The following DGKB variants were observed in gnomAD, a reference collection of about 807,000 sequenced individuals.
The protein encoded by DGKB is 90 kDa diacylglycerol kinase.
Under a neutral mutation model 114.3 loss-of-function variants are expected in DGKB, and 67 were observed. The observed-to-expected ratio is 0.59, with a 90% CI of 0.48 to 0.72. DGKB has a LOEUF of 0.72. Ranked by LOEUF, DGKB falls within the 30% of genes least tolerant of loss-of-function variation. The pLI is 0.00. For synonymous variants in DGKB, 398 were observed against 323.1 expected, an observed-to-expected ratio of 1.23 and a Z score of -2.49; for missense variants, 907 against 975.2, an observed-to-expected ratio of 0.93 and a Z score of 0.93.
At chr7:14,757,042 T>A (rs1382903182) in intron 3 of DGKB, among the ~76,000 whole-genome samples, 1 of 152,074 alleles carries the variant, frequency 6.6e-6, no homozygotes, top group Admixed American at 6.6e-5. Context: ...TAAGAAAATC[T>A]TAAAGAAATC....
chr7:14,888,495 T>G (rs553676985), intron 1 of DGKB, among the ~76,000 whole-genome samples: 3 of 151,848 alleles, frequency 2.0e-5, no homozygotes, highest in African/African-American at 7.2e-5. Context: ...TGATCATTGC[T>G]TAGAATACAT....
intron 17 of DGKB, among the ~76,000 whole-genome samples, chr7:14,607,157 C>CAT (rs1554542102): frequency 2.0e-5 from 3 of 148,232 alleles, no homozygotes; most frequent in African/African-American, 7.4e-5. Context: ...GCTAGTTTGT[C>CAT]GTGTGTGTGT....
At chr7:14,717,489 A>C in intron 6 of DGKB, among the ~76,000 whole-genome samples, 1 of 152,158 alleles carries the variant, frequency 6.6e-6, no homozygotes, top group East Asian at 1.9e-4. Flanking sequence ...ATTTATGAAT[A>C]ATAAATATAT....
At chr7:14,973,887 T>G (rs1248746061) in intron 1 of DGKB, among the ~76,000 whole-genome samples, 1 of 148,240 alleles carries the variant, frequency 6.7e-6, no homozygotes, top group African/African-American at 2.4e-5. Context: ...ATACTTAAAT[T>G]TATAAATATT....
chr7:14,630,215 A>C (rs930227788), intron 14 of DGKB, 21 bp downstream of exon 14: 10 of 1,531,832 alleles, frequency 6.5e-6, no homozygotes, highest in East Asian at 4.9e-5. Flanking sequence ...TAAGTGTGAA[A>C]ACCTGTTTTT....
chr7:14,149,027 AT>A lies in DGKB; in HGVS notation c.*103del. ...CAAAAACTGTTAAACCACTTCCATG[AT>A]TTTGCATGAGCAGGAGACTTGAAAT... On this transcript the variant is annotated 3_prime_UTR_variant, in exon 26 of 26. Coordinates refer to ENST00000402815, the MANE Select transcript of DGKB (RefSeq NM_001350709.2). 1.0e-6 allele frequency: 1 copy of A among 1,001,736 alleles called. No individual in the cohort carries two copies. Among genetic ancestry groups the A allele is most frequent in the Non-Finnish European group, 1.6e-6 (1 of 640,240 alleles). The allele number at this position is 1,001,736 out of a possible 1,614,324, so 62.1% of individuals were successfully genotyped here. A position where few individuals can be genotyped will look rare whatever the true frequency, so the allele number is the denominator to read the frequency against.
At chr7:14,859,260 C>T (rs117364900) in intron 1 of DGKB, among the ~76,000 whole-genome samples, 2,368 of 152,104 alleles carry the variant, frequency 0.016, 32 homozygotes, top group Middle Eastern at 0.037. Flanking sequence ...GGACAAAAGA[C>T]CTGAATATCA....
At chr7:14,808,953 T>A (rs7811380) in intron 2 of DGKB, among the ~76,000 whole-genome samples, 1 of 151,946 alleles carries the variant, frequency 6.6e-6, no homozygotes, top group Non-Finnish European at 1.5e-5. Flanking sequence ...ACATCAGCCA[T>A]CCTCCATTAT....
At chr7:14,483,947 T>C (rs770339858) in intron 20 of DGKB, among the ~76,000 whole-genome samples, 1 of 152,106 alleles carries the variant, frequency 6.6e-6, no homozygotes, top group Non-Finnish European at 1.5e-5. Context: ...TGTGAGACAA[T>C]ACATTTCTGT....
intron 21 of DGKB, among the ~76,000 whole-genome samples, chr7:14,465,961 A>G (rs1191021299): frequency 6.6e-6 from 1 of 152,180 alleles, no homozygotes; most frequent in Non-Finnish European, 1.5e-5. Flanking sequence ...TCGGATTTGC[A>G]TGAGTTGGAA....
In DGKB at chr7:14,682,474, G is replaced by T. The variant is rs554275642; in HGVS notation, c.1035+79C>A. ...ACTCAGTTTCAGGAAGCCCTTCTAG[G>T]GTAGGACTTTCAGAGAGTATGATAT... is the stretch of plus-strand genomic sequence containing the variant. On this transcript the variant is annotated intron_variant, in intron 12 of 25. Coordinates refer to ENST00000402815, the MANE Select transcript of DGKB (RefSeq NM_001350709.2). The T allele has an allele frequency of 9.5e-5, 90 of 944,946 alleles. 1 individual carries two copies. The South Asian group carries it at 1.2e-3, about 12-fold the overall frequency. 58.5% of individuals were successfully genotyped at this position (944,946 alleles called of 1,614,324 possible). A position where few individuals can be genotyped will look rare whatever the true frequency, so the allele number is the denominator to read the frequency against.
At chr7:14,953,997 G>A (rs551614241) in intron 1 of DGKB, among the ~76,000 whole-genome samples, 5 of 152,154 alleles carry the variant, frequency 3.3e-5, no homozygotes, top group African/African-American at 1.2e-4. Context: ...TGGGACTGGG[G>A]CCCAGCAATT....
chr7:14,591,871 T>C (rs1160193754), intron 17 of DGKB, among the ~76,000 whole-genome samples: 10 of 151,946 alleles, frequency 6.6e-5, no homozygotes, highest in African/African-American at 1.7e-4. Flanking sequence ...ACCTAATTGT[T>C]ATTAGGTACA....
chr7:14,725,553 G>A (rs1370766572), intron 5 of DGKB, among the ~76,000 whole-genome samples: 2 of 151,370 alleles, frequency 1.3e-5, no homozygotes, highest in African/African-American at 4.9e-5. Flanking sequence ...AAAAGGATAT[G>A]TTGATTTTTT....
At chr7:14,735,936 CAA>C (rs1831644503) in intron 5 of DGKB, 103 bp downstream of exon 5, 1 of 733,120 alleles carries the variant, frequency 1.4e-6, no homozygotes, top group Non-Finnish European at 2.1e-6. Flanking sequence ...AACCCTGTAA[CAA>C]AACAATTTTT....
rs756653405 is a variant in DGKB at position 14,718,531 on chromosome 7, G to T, written c.466+11C>A. On this transcript the variant is annotated intron_variant, in intron 6 of 25. Transcript: ENST00000402815. ...AATCACGATAAGTAAACAAAATGAA[G>T]AAACACATACACTCAAGCTTATCCT... The T allele has an allele frequency of 1.3e-6, 2 of 1,596,138 alleles. No homozygotes were observed. Among genetic ancestry groups the T allele is most frequent in the South Asian group, 1.1e-5 (1 of 87,216 alleles).
chr7:14,191,831 G>A (rs965594723), intron 23 of DGKB: 5 of 464,562 alleles, frequency 1.1e-5, no homozygotes, highest in Non-Finnish European at 1.3e-5. Context: ...AATCAGTGAC[G>A]GCTATGTCCC....
At chr7:14,283,013 G>T (rs1403328456) in intron 23 of DGKB, among the ~76,000 whole-genome samples, 1 of 151,750 alleles carries the variant, frequency 6.6e-6, no homozygotes, top group Non-Finnish European at 1.5e-5. Context: ...TTCTGGCCAG[G>T]GCAATTAGTC....
intron 20 of DGKB, among the ~76,000 whole-genome samples, chr7:14,564,165 A>G (rs1267018544): frequency 2.0e-5 from 3 of 152,170 alleles, no homozygotes; most frequent in Non-Finnish European, 4.4e-5. Flanking sequence ...AATGGTATCC[A>G]TTAGTTAAGC....
Sources: gnomAD v4.1 joint callset for allele counts (sites outside exome capture counted in the v4.1 genomes callset) on GRCh38, gnomAD v4.1.1 for gene constraint, MANE v1.5 for transcripts, NCBI Gene and HGNC (gene_info 2026-07-23, HGNC 2026-07-21) for gene names.